NAALADL2: variants seen among roughly 807,000 people sequenced by gnomAD.
The protein encoded by NAALADL2 is inactive N-acetylated-alpha-linked acidic dipeptidase-like protein 2.
NAALADL2 carries 76 observed loss-of-function variants against 87.2 expected under a neutral mutation model. That is an observed-to-expected ratio of 0.87 (90% confidence interval 0.72 to 1.05). The LOEUF (loss-of-function observed/expected upper bound fraction) is 1.05, where lower values mean the gene tolerates loss of function less well. Ranked by LOEUF, NAALADL2 falls within the 50% of genes least tolerant of loss-of-function variation. The probability of loss-of-function intolerance (pLI) is 0.00; values close to 1 mark genes in which losing one functional copy is unlikely to be tolerated. For missense variants in NAALADL2, 1,089 were observed against 945.8 expected, an observed-to-expected ratio of 1.15 and a Z score of -1.99; for synonymous variants, 354 against 331.0, an observed-to-expected ratio of 1.07 and a Z score of -0.75.
intron 5 of NAALADL2, among the ~76,000 whole-genome samples, chr3:175,391,665 TA>T: frequency 6.6e-6 from 1 of 152,260 alleles, no homozygotes. Context: ...ATTCTTGACC[TA>T]AAGAAACTGT....
intron 2 of NAALADL2, among the ~76,000 whole-genome samples, chr3:175,199,864 A>ATTTATATTTTTTTTT (rs1739739340): frequency 7.7e-5 from 1 of 13,058 alleles, no homozygotes; most frequent in Non-Finnish European, 1.4e-4. Context: ...ATATATATAT[A>ATTTATATTTTTTTTT]TTTTTTTTTT....
At chr3:174,956,341 T>C (rs1288986413) in intron 1 of NAALADL2, among the ~76,000 whole-genome samples, 1 of 152,086 alleles carries the variant, frequency 6.6e-6, no homozygotes, top group African/African-American at 2.4e-5. Context: ...GGCAGAATGA[T>C]GTCTAAAAAA....
intron 1 of NAALADL2, among the ~76,000 whole-genome samples, chr3:174,916,679 A>C (rs532112098): frequency 1.4e-4 from 22 of 152,212 alleles, no homozygotes; most frequent in African/African-American, 5.3e-4. Context: ...ACACAGAGGC[A>C]TAAGAGTGAT....
At chr3:175,113,183 A>T (rs1724495961) in intron 2 of NAALADL2, among the ~76,000 whole-genome samples, 1 of 151,636 alleles carries the variant, frequency 6.6e-6, no homozygotes, top group Non-Finnish European at 1.5e-5. Context: ...AAGATCAGAC[A>T]GGGTAACTCT....
chr3:175,055,000 C>G (rs1306285036), intron 1 of NAALADL2, among the ~76,000 whole-genome samples: 1 of 152,188 alleles, frequency 6.6e-6, no homozygotes, highest in Non-Finnish European at 1.5e-5. Flanking sequence ...CCAACTCCAA[C>G]TATGTTAAAT....
At chr3:174,460,157 A>G (rs1034225310) in intron 1 of NAALADL2, among the ~76,000 whole-genome samples, 1 of 152,254 alleles carries the variant, frequency 6.6e-6, no homozygotes, top group Admixed American at 6.5e-5. Flanking sequence ...ACTTCTGTCT[A>G]AAGTAGTAGT....
chr3:175,252,203 G>A (rs758830865), intron 3 of NAALADL2, among the ~76,000 whole-genome samples: 9 of 152,092 alleles, frequency 5.9e-5, no homozygotes, highest in Admixed American at 1.3e-4. Context: ...TGAAGGTCAC[G>A]GCAACCCTGC....
intron 2 of NAALADL2, among the ~76,000 whole-genome samples, chr3:174,578,434 A>G (rs558558422): frequency 5.3e-4 from 81 of 152,146 alleles, no homozygotes; most frequent in African/African-American, 1.9e-3. Flanking sequence ...TTTTATCAGA[A>G]ACAAAGGAGA....
At chr3:174,661,481 C>T (rs1257965542) in intron 2 of NAALADL2, among the ~76,000 whole-genome samples, 1 of 152,076 alleles carries the variant, frequency 6.6e-6, no homozygotes, top group East Asian at 1.9e-4. Flanking sequence ...AGGAACACTA[C>T]CTAAAAAGGA....
chr3:175,786,174 G>A (rs1466828540), intron 13 of NAALADL2, among the ~76,000 whole-genome samples: 1 of 151,662 alleles, frequency 6.6e-6, no homozygotes, highest in Non-Finnish European at 1.5e-5. Flanking sequence ...TGACAATTAT[G>A]TGTCTTGGAG....
rs143384708 is a variant in NAALADL2 at position 174,903,952 on chromosome 3, A to AATATCTATATCTATATCT, written c.43+44517_43+44534dup. On this transcript the variant is annotated intron_variant, in intron 1 of 13. Transcript: ENST00000454872. ...GATATTCTTCGCAGGGCCAGAAAGGAATATCTATATCTATATCTATATCTA... is the reference window on the plus strand; with the variant it reads ...GATATTCTTCGCAGGGCCAGAAAGGAATATCTATATCTATATCTATATCTATATCTATATCTATATCTA... 9.6e-3 allele frequency among the ~76,000 whole-genome samples: 1,450 copies of AATATCTATATCTATATCT among 150,482 alleles called. 25 individuals are homozygous for AATATCTATATCTATATCT. The highest frequency in any genetic ancestry group is 0.033 in the African/African-American group (1,339 of 40,730).
chr3:175,742,577 T>G (rs1368129109), intron 12 of NAALADL2, among the ~76,000 whole-genome samples: 1 of 151,980 alleles, frequency 6.6e-6, no homozygotes, highest in East Asian at 1.9e-4. Context: ...TTTTGTATTT[T>G]TAGTAGAGAC....
chr3:174,572,805 T>G (rs1306296353), intron 2 of NAALADL2, among the ~76,000 whole-genome samples: 1 of 152,230 alleles, frequency 6.6e-6, no homozygotes, highest in Non-Finnish European at 1.5e-5. Flanking sequence ...CAAGTCCATA[T>G]TCAAATAATA....
intron 3 of NAALADL2, among the ~76,000 whole-genome samples, chr3:174,763,630 C>A: frequency 7.9e-6 from 1 of 126,068 alleles, no homozygotes. Flanking sequence ...GCATTTCTCA[C>A]CAACTCATTT....
chr3:175,600,615 G>A lies in NAALADL2; in HGVS notation c.1800+24428G>A, dbSNP rs1009195304. 1.1e-4 allele frequency among the ~76,000 whole-genome samples: 14 copies of A among 127,028 alleles called. No homozygotes were observed. In the Admixed American group the frequency reaches 1.2e-3, roughly 11 times the overall value. 83.3% of individuals were successfully genotyped at this position (127,028 alleles called of 152,430 possible). A position where few individuals can be genotyped will look rare whatever the true frequency, so the allele number is the denominator to read the frequency against. On this transcript the variant is annotated intron_variant, in intron 10 of 13. Coordinates refer to ENST00000454872, the MANE Select transcript of NAALADL2 (RefSeq NM_207015.3). ...TCCAGTGGCGCGATCTCGGCTCACT[G>A]CAAGCTCCGCCTCCCAGGTTCACGC...
intron 9 of NAALADL2, among the ~76,000 whole-genome samples, chr3:175,571,534 C>A (rs934424175): frequency 2.6e-5 from 4 of 152,186 alleles, no homozygotes; most frequent in East Asian, 3.9e-4. Flanking sequence ...TCCTACTAGT[C>A]TCTCAAATAT....
intron 4 of NAALADL2, among the ~76,000 whole-genome samples, chr3:175,313,770 A>G (rs1037289406): frequency 6.6e-6 from 1 of 152,148 alleles, no homozygotes; most frequent in Non-Finnish European, 1.5e-5. Flanking sequence ...GGATAGCAGG[A>G]ATCAGAAAAG....
chr3:174,573,822 A>G (rs1270463139), intron 2 of NAALADL2, among the ~76,000 whole-genome samples: 2 of 152,140 alleles, frequency 1.3e-5, no homozygotes, highest in African/African-American at 4.8e-5. Flanking sequence ...CACTCCCAGC[A>G]GGCCCCACCT....
chr3:175,529,269 G>A (rs1733800427), intron 9 of NAALADL2, among the ~76,000 whole-genome samples: 1 of 152,194 alleles, frequency 6.6e-6, no homozygotes, highest in Admixed American at 6.5e-5. Flanking sequence ...TTAAAGGTAA[G>A]AGGAGCCCAA....
Sources: allele counts gnomAD v4.1 joint callset (sites outside exome capture counted in the v4.1 genomes callset), GRCh38; gene constraint gnomAD v4.1.1; transcripts MANE v1.5; gene names NCBI Gene and HGNC (gene_info 2026-07-23, HGNC 2026-07-21).